STK39: variants seen among roughly 807,000 people sequenced by gnomAD.
STK39 encodes STE20/SPS1-related proline-alanine-rich protein kinase.
In STK39, 20 loss-of-function variants were observed where a neutral mutation model predicts 77.8. The ratio of observed to expected loss-of-function variants is 0.26; its 90% confidence interval spans 0.18 to 0.37. The LOEUF is 0.37. Ranked by LOEUF, STK39 falls within the 10% of genes least tolerant of loss-of-function variation. The probability of loss-of-function intolerance (pLI) is 1.00; values close to 1 mark genes in which losing one functional copy is unlikely to be tolerated. For synonymous variants in STK39, 246 were observed against 234.1 expected (o/e 1.05, Z -0.47); for missense variants, 479 against 656.5 (o/e 0.73, Z 2.95).
At chr2:168,126,053 A>G (rs987391860) in intron 10 of STK39, among the ~76,000 whole-genome samples, 2 of 152,172 alleles carry the variant, frequency 1.3e-5, no homozygotes, top group Non-Finnish European at 2.9e-5. Context: ...GGTTAGCAGA[A>G]GAGAGGAGAA....
intron 5 of STK39, among the ~76,000 whole-genome samples, chr2:168,149,368 C>A (rs1688222560): frequency 6.6e-6 from 1 of 152,248 alleles, no homozygotes; most frequent in Non-Finnish European, 1.5e-5. Context: ...ACAGCCCATG[C>A]TGGCAGGTGC....
intron 16 of STK39, among the ~76,000 whole-genome samples, chr2:167,992,731 G>T (rs1559047952): frequency 6.6e-6 from 1 of 152,070 alleles, no homozygotes; most frequent in Non-Finnish European, 1.5e-5. Context: ...TAAAGTCAAA[G>T]AAAAACCTGT....
intron 10 of STK39, among the ~76,000 whole-genome samples, chr2:168,106,868 C>T (rs766758400): frequency 6.6e-5 from 10 of 152,036 alleles, no homozygotes; most frequent in Admixed American, 2.6e-4. Context: ...TACATAAATA[C>T]GTATGTATGT....
intron 16 of STK39, among the ~76,000 whole-genome samples, chr2:167,983,359 A>T (rs1445734057): frequency 6.6e-6 from 1 of 150,894 alleles, no homozygotes; most frequent in African/African-American, 2.4e-5. Context: ...CATGCCTGTA[A>T]TGCCAGCTAC....
chr2:167,984,423 C>T (rs961402458), intron 16 of STK39, among the ~76,000 whole-genome samples: 1 of 152,086 alleles, frequency 6.6e-6, no homozygotes, highest in African/African-American at 2.4e-5. Context: ...GAGCATTCCA[C>T]GTAGCCAAAG....
At chr2:168,223,806 C>T (rs1041628587) in intron 1 of STK39, among the ~76,000 whole-genome samples, 2 of 152,050 alleles carry the variant, frequency 1.3e-5, no homozygotes, top group African/African-American at 2.4e-5. Context: ...CCTTGGCACA[C>T]GGCAGGTGCT....
chr2:167,955,842 G>C (rs1360233932), intron 17 of STK39, among the ~76,000 whole-genome samples: 2 of 152,102 alleles, frequency 1.3e-5, no homozygotes, highest in African/African-American at 4.8e-5. Flanking sequence ...TGGAAGCTTT[G>C]GAACAGTCAG....
At chr2:168,115,809 A>T (rs1399167881) in intron 10 of STK39, among the ~76,000 whole-genome samples, 2 of 152,202 alleles carry the variant, frequency 1.3e-5, no homozygotes, top group African/African-American at 4.8e-5. Flanking sequence ...GGGAAGAGCA[A>T]CATGGACAAG....
chr2:168,047,262 A>G (rs1240990647), intron 14 of STK39, among the ~76,000 whole-genome samples: 1 of 152,250 alleles, frequency 6.6e-6, no homozygotes, highest in Non-Finnish European at 1.5e-5. Context: ...CAAAAGGCCA[A>G]TCTGACTAGG....
At chr2:168,051,608 C>T (rs1037530496) in intron 14 of STK39, among the ~76,000 whole-genome samples, 1 of 152,064 alleles carries the variant, frequency 6.6e-6, no homozygotes. Flanking sequence ...AGCAAGGAGG[C>T]CCTCCACTCT....
At chr2:168,067,099 G>A (rs1360778919) in intron 12 of STK39, among the ~76,000 whole-genome samples, 3 of 152,170 alleles carry the variant, frequency 2.0e-5, no homozygotes, top group Non-Finnish European at 4.4e-5. Context: ...GTTTGCGCCT[G>A]TAGTCCCAGC....
intron 8 of STK39, among the ~76,000 whole-genome samples, chr2:168,132,181 A>G (rs1015835478): frequency 6.6e-6 from 1 of 152,216 alleles, no homozygotes; most frequent in African/African-American, 2.4e-5. Context: ...ACTAAGAAGC[A>G]TAGAAAATAA....
intron 14 of STK39, among the ~76,000 whole-genome samples, chr2:168,061,355 C>T (rs1233520761): frequency 6.6e-6 from 1 of 151,624 alleles, no homozygotes; most frequent in African/African-American, 2.4e-5. Context: ...AAAATAACCA[C>T]ATAAAAAGAG....
intron 10 of STK39, among the ~76,000 whole-genome samples, chr2:168,123,515 C>T (rs1237213180): frequency 3.9e-5 from 6 of 152,032 alleles, no homozygotes; most frequent in Non-Finnish European, 7.4e-5. Flanking sequence ...AAAACACATA[C>T]GAAAATTCTT....
intron 12 of STK39, among the ~76,000 whole-genome samples, chr2:168,068,577 A>C (rs183199094): frequency 1.3e-5 from 2 of 152,234 alleles, no homozygotes; most frequent in African/African-American, 4.8e-5. Context: ...GGGAGATTGC[A>C]TGAGGAATAT....
intron 14 of STK39, among the ~76,000 whole-genome samples, chr2:168,018,429 A>G (rs537914529): frequency 6.6e-6 from 1 of 151,086 alleles, no homozygotes; most frequent in Admixed American, 6.6e-5. Flanking sequence ...CCCGGCAGGT[A>G]TTGCAGTTAG....
chr2:168,215,262 C>A lies in STK39; in HGVS notation c.208+31966G>T, dbSNP rs546004550. On this transcript the variant is annotated intron_variant, in intron 1 of 17. Coordinates refer to ENST00000355999, the MANE Select transcript of STK39 (RefSeq NM_013233.3). The stretch of plus-strand genomic sequence containing the variant: ...CCAGGACTCCAATCATACTCTCCCC[C>A]CATTTCCACATCCTCCAAACTGAGG... Among the ~76,000 whole-genome samples, 4 of 152,296 alleles carry A rather than the reference C, an allele frequency of 2.6e-5. No individual in the cohort carries two copies. In the South Asian group the frequency reaches 6.2e-4, roughly 24 times the overall value.
intron 16 of STK39, among the ~76,000 whole-genome samples, chr2:167,968,947 C>T (rs554157741): frequency 2.6e-5 from 4 of 152,290 alleles, no homozygotes; most frequent in African/African-American, 9.6e-5. Context: ...TCATGGGATG[C>T]ACTGTAGCAC....
chr2:168,065,219 G>A, intron 13 of STK39, 100 bp downstream of exon 13: 1 of 1,266,262 alleles, frequency 7.9e-7, no homozygotes, highest in Non-Finnish European at 1.1e-6. Context: ...CCTTGATTTG[G>A]AGGCACTACC....
Sources: allele counts gnomAD v4.1 joint callset (sites outside exome capture counted in the v4.1 genomes callset), GRCh38; gene constraint gnomAD v4.1.1; transcripts MANE v1.5; gene names NCBI Gene and HGNC (gene_info 2026-07-23, HGNC 2026-07-21).